LPP: variants seen among roughly 807,000 people sequenced by gnomAD.
LPP encodes the protein lipoma-preferred partner.
A neutral mutation model predicts 60.4 loss-of-function variants in LPP; 38 were observed. That is an observed-to-expected ratio of 0.63 (90% CI 0.49 to 0.83). LPP has a LOEUF of 0.83. Ranked by LOEUF, LPP falls within the 40% of genes least tolerant of loss-of-function variation. The probability of loss-of-function intolerance (pLI) is 0.00; values close to 1 mark genes in which losing one functional copy is unlikely to be tolerated. For missense variants in LPP, 902 were observed against 783.6 expected (o/e 1.15, Z -1.80); for synonymous variants, 328 against 290.8 (o/e 1.13, Z -1.30).
chr3:188,820,276 TG>T (rs1753611473), intron 9 of LPP, among the ~76,000 whole-genome samples: 2 of 152,038 alleles, frequency 1.3e-5, no homozygotes, highest in African/African-American at 4.8e-5. Flanking sequence ...GGTGTTTGTG[TG>T]TGTGTGTTTG....
chr3:188,750,856 A>C (rs1727845439), intron 8 of LPP, among the ~76,000 whole-genome samples: 4 of 151,950 alleles, frequency 2.6e-5, no homozygotes, highest in Admixed American at 2.6e-4. Context: ...ATTCCACCTC[A>C]TTTGCAACAT....
intron 5 of LPP, among the ~76,000 whole-genome samples, chr3:188,521,525 T>A (rs1328712056): frequency 6.6e-6 from 1 of 152,150 alleles, no homozygotes; most frequent in Non-Finnish European, 1.5e-5. Context: ...ATCCTGTCTC[T>A]TTACTAATAC....
intron 4 of LPP, among the ~76,000 whole-genome samples, chr3:188,473,002 G>C (rs928222109): frequency 6.6e-6 from 1 of 151,904 alleles, no homozygotes; most frequent in Admixed American, 6.6e-5. Flanking sequence ...TGGGCTGCCT[G>C]GTGTGGTTCT....
chr3:188,855,742 C>A (rs1377631276), intron 9 of LPP, among the ~76,000 whole-genome samples: 2 of 152,174 alleles, frequency 1.3e-5, no homozygotes, highest in African/African-American at 4.8e-5. Context: ...CAAATCACTC[C>A]ATTTCAAGGG....
chr3:188,737,973 A>G (rs932810389), intron 8 of LPP, among the ~76,000 whole-genome samples: 1 of 152,150 alleles, frequency 6.6e-6, no homozygotes, highest in African/African-American at 2.4e-5. Flanking sequence ...TGCTTTCTGC[A>G]TTCCAGACAT....
chr3:188,780,295 T>A lies in LPP; in HGVS notation c.1410+20013T>A, dbSNP rs138757817. On this transcript the variant is annotated intron_variant, in intron 9 of 11. Coordinates refer to ENST00000617246, the MANE Select transcript of LPP (RefSeq NM_001375462.1). ...TTCCAGGAGCTCTGAGAACAACAAT[T>A]TTTTTGGAGCATTGCAATCTCTTGA... Among the ~76,000 whole-genome samples, 15 of 152,314 alleles carry A rather than the reference T, an allele frequency of 9.8e-5. 1 individual carries two copies. Among genetic ancestry groups the A allele is most frequent in the African/African-American group, 2.4e-4 (10 of 41,554 alleles).
rs1050679907 is a variant in LPP at position 188,346,251 on chromosome 3, C to CTTTTTTT, written c.-10+4552_-10+4558dup. Among the ~76,000 whole-genome samples the CTTTTTTT allele has an allele frequency of 1.6e-4, 14 of 88,340 alleles. 1 individual carries two copies. Among genetic ancestry groups the CTTTTTTT allele is most frequent in the African/African-American group, 4.2e-4 (8 of 19,120 alleles). The allele number at this position is 88,340 out of a possible 152,430, so 58.0% of individuals were successfully genotyped here. Reference sequence around the variant, plus strand: ...CAGGGACCTGCCTAAAGTAGCAAATCTTTTTTTTTTTTTTTTTTTTTTTTT... The same window carrying CTTTTTTT: ...CAGGGACCTGCCTAAAGTAGCAAATCTTTTTTTTTTTTTTTTTTTTTTTTTTTTTTTT... On this transcript the variant is annotated intron_variant, in intron 3 of 11. Transcript: ENST00000617246.
At chr3:188,441,441 A>G (rs1222775955) in intron 4 of LPP, among the ~76,000 whole-genome samples, 2 of 151,878 alleles carry the variant, frequency 1.3e-5, no homozygotes, top group Non-Finnish European at 2.9e-5. Context: ...TGCATTTGTC[A>G]TCATTTAGAG....
At chr3:188,682,410 C>G (rs1312017474) in intron 7 of LPP, among the ~76,000 whole-genome samples, 1 of 152,234 alleles carries the variant, frequency 6.6e-6, no homozygotes, top group Admixed American at 6.5e-5. Flanking sequence ...CACACATCTA[C>G]ACCGTGCAGC....
intron 6 of LPP, among the ~76,000 whole-genome samples, chr3:188,577,735 T>C (rs1372021911): frequency 2.2e-5 from 3 of 136,536 alleles, no homozygotes; most frequent in African/African-American, 2.6e-5. Flanking sequence ...TTGGTTTCCT[T>C]CCTTCCTTTG....
At chr3:188,469,338 CGGTTGTGGT>C (rs34914681) in intron 4 of LPP, among the ~76,000 whole-genome samples, 152,037 of 152,052 alleles carry the variant, frequency 1, 76,011 homozygotes, top group Middle Eastern at 1. Context: ...TCTGATTGCC[CGGTTGTGGT>C]GGTTGTGGTG....
chr3:188,531,292 A>G (rs1822112470), intron 6 of LPP, among the ~76,000 whole-genome samples: 1 of 152,180 alleles, frequency 6.6e-6, no homozygotes, highest in African/African-American at 2.4e-5. Flanking sequence ...GTAAATCCTT[A>G]TAATTTCCTA....
At chr3:188,722,942 T>C (rs1219000692) in intron 8 of LPP, among the ~76,000 whole-genome samples, 4 of 152,224 alleles carry the variant, frequency 2.6e-5, no homozygotes, top group Non-Finnish European at 5.9e-5. Flanking sequence ...TGTTTATCTC[T>C]ATTTGAATTA....
intron 4 of LPP, among the ~76,000 whole-genome samples, chr3:188,440,021 C>T (rs1793385043): frequency 6.6e-6 from 1 of 152,196 alleles, no homozygotes; most frequent in African/African-American, 2.4e-5. Context: ...TGTGCATTCT[C>T]GTGGTACTTA....
At chr3:188,646,379 C>G (rs1283229300) in intron 7 of LPP, among the ~76,000 whole-genome samples, 1 of 152,254 alleles carries the variant, frequency 6.6e-6, no homozygotes, top group East Asian at 1.9e-4. Flanking sequence ...ATCAGGAACC[C>G]TATAAGCTAG....
chr3:188,795,202 C>G (rs1577600973), intron 9 of LPP, among the ~76,000 whole-genome samples: 1 of 151,972 alleles, frequency 6.6e-6, no homozygotes, highest in East Asian at 1.9e-4. Flanking sequence ...ATGTTTTTAC[C>G]CAAAGTGTTA....
chr3:188,164,701 C>A (rs1719411590), intron 1 of LPP, among the ~76,000 whole-genome samples: 1 of 152,170 alleles, frequency 6.6e-6, no homozygotes, highest in Non-Finnish European at 1.5e-5. Flanking sequence ...GTCATTGTCA[C>A]CCTGGAAGTC....
rs1578117631 is a variant in LPP at position 188,878,910 on chromosome 3, T to C, written c.*4431T>C. The stretch of plus-strand genomic sequence containing the variant: ...AACATTTTTATGCCAGAAGGTGATA[T>C]AATGGATGTTAGTGTTTTTTATTTG... On this transcript the variant is annotated 3_prime_UTR_variant, in exon 12 of 12. Transcript: ENST00000617246. 1.8e-5 allele frequency: 4 copies of C among 224,688 alleles called. No individual in the cohort carries two copies. The highest frequency in any genetic ancestry group is 4.5e-5 in the African/African-American group (2 of 44,894). The allele number at this position is 224,688 out of a possible 1,614,324, so 13.9% of individuals were successfully genotyped here. A position where few individuals can be genotyped will look rare whatever the true frequency, so the allele number is the denominator to read the frequency against.
intron 4 of LPP, among the ~76,000 whole-genome samples, chr3:188,430,137 T>C (rs985150365): frequency 1.3e-5 from 2 of 151,802 alleles, no homozygotes; most frequent in Non-Finnish European, 2.9e-5. Context: ...TAAGTTATTA[T>C]TTCCTCAAAA....
Sources: allele counts gnomAD v4.1 joint callset (sites outside exome capture counted in the v4.1 genomes callset), GRCh38; gene constraint gnomAD v4.1.1; transcripts MANE v1.5; gene names NCBI Gene and HGNC (gene_info 2026-07-23, HGNC 2026-07-21).